The following CORO2B variants were observed in gnomAD, a reference collection of about 807,000 sequenced individuals.
CORO2B encodes the protein coronin 2B.
A neutral mutation model predicts 58.8 loss-of-function variants in CORO2B; 26 were observed. That is an observed-to-expected ratio of 0.44 (90% CI 0.32 to 0.61). The LOEUF is 0.61. Among genes scored for constraint, CORO2B ranks in the 20% least tolerant of loss-of-function variants. The pLI is 0.04. For missense variants in CORO2B, 460 were observed against 645.1 expected, an observed-to-expected ratio of 0.71 and a Z score of 3.11; for synonymous variants, 242 against 253.8, an observed-to-expected ratio of 0.95 and a Z score of 0.44.
chr15:68,526,728 A>G, the CORO2B span, among the ~76,000 whole-genome samples: 1 of 152,234 alleles, frequency 6.6e-6, no homozygotes. Context: ...TGTTTTTCAA[A>G]GAGCAGAAGT....
At chr15:68,690,847 A>C (rs1345119615) in intron 2 of CORO2B, among the ~76,000 whole-genome samples, 3 of 151,162 alleles carry the variant, frequency 2.0e-5, no homozygotes, top group Admixed American at 2.0e-4. Flanking sequence ...TAAAGGTGGA[A>C]TTTTGCCATG....
chr15:68,585,815 A>G (rs564738446), intron 1 of CORO2B, among the ~76,000 whole-genome samples: 140 of 152,268 alleles, frequency 9.2e-4, no homozygotes, highest in Admixed American at 1.5e-3. Context: ...GATTCGGGGA[A>G]GGGTGCTGGG....
intron 7 of CORO2B, 81 bp downstream of exon 7, chr15:68,714,744 CT>C (rs1402814481): frequency 3.7e-6 from 4 of 1,083,552 alleles, no homozygotes; most frequent in Non-Finnish European, 4.2e-6. Flanking sequence ...GCCCCACCCC[CT>C]GGAGAGTAGC....
chr15:68,641,231 T>C (rs1330629586), intron 1 of CORO2B, among the ~76,000 whole-genome samples: 1 of 151,910 alleles, frequency 6.6e-6, no homozygotes, highest in Admixed American at 6.6e-5. Context: ...ACACGCTGAG[T>C]GGGAGAACAT....
the CORO2B span, among the ~76,000 whole-genome samples, chr15:68,530,715 C>T: frequency 2.0e-5 from 3 of 152,100 alleles, no homozygotes; most frequent in African/African-American, 4.8e-5. Context: ...AAATATTTCT[C>T]TTATGTCTAG....
At chr15:68,719,377 G>T in intron 10 of CORO2B, 36 bp from the exon 11 acceptor site, 1 of 1,611,102 alleles carries the variant, frequency 6.2e-7, no homozygotes, top group Non-Finnish European at 8.5e-7. Flanking sequence ...CAGTCCATGG[G>T]ATCGTCAGTG....
intron 3 of CORO2B, among the ~76,000 whole-genome samples, chr15:68,701,095 G>A (rs1009667642): frequency 7.2e-5 from 11 of 152,094 alleles, no homozygotes; most frequent in Non-Finnish European, 1.2e-4. Context: ...ATACCTCTTG[G>A]AGCTGGAAGG....
Position 68,653,618 on chromosome 15 carries a change from T to G in CORO2B, c.216+8258T>G, listed in dbSNP as rs8028652. 7.5e-3 allele frequency among the ~76,000 whole-genome samples: 1,147 copies of G among 152,256 alleles called. 18 individuals carry two copies. The highest frequency in any genetic ancestry group is 0.024 in the Middle Eastern group (7 of 294). On this transcript the variant is annotated intron_variant, in intron 2 of 11. Transcript: ENST00000261861. ...GAACGATATTGCATGGCCCAGCTGGTCTTAACTCTGGAGCTGAATCTAGAA... is the reference window on the plus strand; with the variant it reads ...GAACGATATTGCATGGCCCAGCTGGGCTTAACTCTGGAGCTGAATCTAGAA...
chr15:68,675,398 AG>A (rs34693732), intron 2 of CORO2B, among the ~76,000 whole-genome samples: 2 of 152,106 alleles, frequency 1.3e-5, no homozygotes, highest in African/African-American at 2.4e-5. Context: ...TCACCTTCCC[AG>A]GGAAAGTAAA....
At chr15:68,580,854 A>T (rs1392658965) in intron 1 of CORO2B, among the ~76,000 whole-genome samples, 1 of 152,146 alleles carries the variant, frequency 6.6e-6, no homozygotes, top group Non-Finnish European at 1.5e-5. Context: ...GCGCGAGCTC[A>T]TGCAGCCTTC....
chr15:68,686,883 G>A (rs1902997962), intron 2 of CORO2B, among the ~76,000 whole-genome samples: 1 of 148,738 alleles, frequency 6.7e-6, no homozygotes, highest in South Asian at 2.1e-4. Context: ...TGCGCAACAA[G>A]AGCGAAACTC....
At chr15:68,672,444 G>A (rs564717301) in intron 2 of CORO2B, among the ~76,000 whole-genome samples, 1 of 151,854 alleles carries the variant, frequency 6.6e-6, no homozygotes, top group South Asian at 2.1e-4. Flanking sequence ...ACCATGCCTG[G>A]CTAATTTTTG....
chr15:68,580,606 C>G (rs1218485581), intron 1 of CORO2B, among the ~76,000 whole-genome samples: 1 of 152,160 alleles, frequency 6.6e-6, no homozygotes, highest in African/African-American at 2.4e-5. Flanking sequence ...CAGGGGCTTC[C>G]TCAGCTCTGG....
the CORO2B span, among the ~76,000 whole-genome samples, chr15:68,542,618 C>CGCAGA: frequency 1.3e-5 from 2 of 152,336 alleles, no homozygotes; most frequent in Middle Eastern, 3.4e-3. Flanking sequence ...GGAGGGGCAC[C>CGCAGA]CTCATGGCCA....
chr15:68,531,244 G>T, the CORO2B span, among the ~76,000 whole-genome samples: 1 of 152,158 alleles, frequency 6.6e-6, no homozygotes, highest in Non-Finnish European at 1.5e-5. Flanking sequence ...ACTTTGGGAG[G>T]CCGAGGTGGG....
chr15:68,683,868 A>G (rs1902875157), intron 2 of CORO2B, among the ~76,000 whole-genome samples: 1 of 152,214 alleles, frequency 6.6e-6, no homozygotes, highest in South Asian at 2.1e-4. Context: ...GTGGAGGTGT[A>G]TAACCATGGG....
chr15:68,692,638 T>TTTG (rs1892408543), intron 2 of CORO2B, among the ~76,000 whole-genome samples: 1 of 149,702 alleles, frequency 6.7e-6, no homozygotes. Context: ...TTTCCTTTTT[T>TTTG]TTTTGTTTTT....
chr15:68,620,571 AG>A (rs1438285204), intron 1 of CORO2B, among the ~76,000 whole-genome samples: 5 of 152,220 alleles, frequency 3.3e-5, no homozygotes, highest in African/African-American at 4.8e-5. Flanking sequence ...CTCATTCAAA[AG>A]TCTGCGTTTA....
chr15:68,583,543 T>A (rs766272812), intron 1 of CORO2B, among the ~76,000 whole-genome samples: 2 of 152,188 alleles, frequency 1.3e-5, no homozygotes, highest in Non-Finnish European at 2.9e-5. Context: ...GTGCCTGGAT[T>A]TCCCTCTGTG....
Sources: gnomAD v4.1 joint callset for allele counts (sites outside exome capture counted in the v4.1 genomes callset) on GRCh38, gnomAD v4.1.1 for gene constraint, MANE v1.5 for transcripts, NCBI Gene and HGNC (gene_info 2026-07-23, HGNC 2026-07-21) for gene names.